Variants in KLF12 observed in about 807,000 individuals in gnomAD.
KLF12 encodes the protein KLF transcription factor 12, also known as Krueppel-like factor 12.
Under a neutral mutation model 37.8 loss-of-function variants are expected in KLF12, and 9 were observed. The observed-to-expected ratio is 0.24, with a 90% CI of 0.14 to 0.42. KLF12 has a LOEUF of 0.42. KLF12 is among the 10% of genes least tolerant of loss of function. KLF12 has a pLI of 1.00. For missense variants in KLF12, 411 were observed against 516.0 expected, an observed-to-expected ratio of 0.80 and a Z score of 1.97; for synonymous variants, 208 against 202.1, an observed-to-expected ratio of 1.03 and a Z score of -0.25.
chr13:73,869,979 C>G (rs766941473), intron 3 of KLF12, among the ~76,000 whole-genome samples: 1 of 152,158 alleles, frequency 6.6e-6, no homozygotes, highest in African/African-American at 2.4e-5. Context: ...CTTGTTTATA[C>G]GATGTACGAT....
intron 3 of KLF12, among the ~76,000 whole-genome samples, chr13:73,938,158 T>C (rs1890031466): frequency 6.6e-6 from 1 of 152,348 alleles, no homozygotes; most frequent in South Asian, 2.1e-4. Context: ...GTAATGCAAG[T>C]GGCATTTTTA....
intron 1 of KLF12, among the ~76,000 whole-genome samples, chr13:74,054,893 T>G (rs1566520934): frequency 6.6e-6 from 1 of 152,188 alleles, no homozygotes; most frequent in Non-Finnish European, 1.5e-5. Context: ...TAGCAAAGAC[T>G]TAATACTAAA....
the KLF12 span, among the ~76,000 whole-genome samples, chr13:74,218,192 C>T: frequency 4.6e-5 from 7 of 152,124 alleles, no homozygotes; most frequent in Non-Finnish European, 1.0e-4. Context: ...GATTAGAATG[C>T]CTTCTTGAGG....
rs1015900520 is a variant in KLF12, at chr13:73,724,821, T to C, written c.870-9296A>G. Among the ~76,000 whole-genome samples, 7 of 152,334 alleles carry C rather than the reference T, an allele frequency of 4.6e-5. No individual in the cohort carries two copies. The South Asian group carries it at 1.5e-3, about 32-fold the overall frequency. On this transcript the variant is annotated intron_variant, in intron 6 of 7. Transcript: ENST00000377669. ...GGGCAGTTAGAGCTAAACAGTGGGT[T>C]TCTTGACCCCTAGAGCTAAGACTTT...
intron 3 of KLF12, among the ~76,000 whole-genome samples, chr13:73,918,338 T>C (rs1478018053): frequency 6.6e-6 from 1 of 152,208 alleles, no homozygotes; most frequent in Non-Finnish European, 1.5e-5. Context: ...TATTTCTACC[T>C]TGAAGTTCCA....
At chr13:74,194,694 G>A in the KLF12 span, among the ~76,000 whole-genome samples, 1 of 152,156 alleles carries the variant, frequency 6.6e-6, no homozygotes, top group Non-Finnish European at 1.5e-5. Context: ...GGGCCAAGAG[G>A]GGGCCTAGAT....
chr13:74,124,804 G>A (rs776362902), intron 1 of KLF12, among the ~76,000 whole-genome samples: 26 of 152,254 alleles, frequency 1.7e-4, no homozygotes, highest in Middle Eastern at 3.4e-3. Flanking sequence ...CACCACAGCT[G>A]CCAAAATATG....
chr13:74,037,372 C>G, intron 1 of KLF12, among the ~76,000 whole-genome samples: 1 of 152,032 alleles, frequency 6.6e-6, no homozygotes, highest in East Asian at 1.9e-4. Flanking sequence ...TCGGAAGGGA[C>G]GGATTCCCTT....
intron 1 of KLF12, among the ~76,000 whole-genome samples, chr13:74,102,895 A>G (rs1876441279): frequency 6.6e-6 from 1 of 152,232 alleles, no homozygotes; most frequent in Non-Finnish European, 1.5e-5. Context: ...GCAAAGAGAC[A>G]GCTTTAGGAC....
At chr13:73,919,133 G>A (rs554818651) in intron 3 of KLF12, among the ~76,000 whole-genome samples, 2 of 152,278 alleles carry the variant, frequency 1.3e-5, no homozygotes, top group South Asian at 4.1e-4. Flanking sequence ...GAGGCCCCCA[G>A]ATACTTAAAG....
At chr13:73,916,963 G>A (rs1266091497) in intron 3 of KLF12, among the ~76,000 whole-genome samples, 4 of 152,114 alleles carry the variant, frequency 2.6e-5, no homozygotes, top group African/African-American at 7.2e-5. Context: ...TGGTGTCAGC[G>A]GTTATTTTGA....
At chr13:74,261,570 T>G in the KLF12 span, among the ~76,000 whole-genome samples, 8 of 152,184 alleles carry the variant, frequency 5.3e-5, no homozygotes, top group Admixed American at 5.2e-4. Flanking sequence ...ACAGGCTACA[T>G]AGGCCATCTT....
intron 2 of KLF12, among the ~76,000 whole-genome samples, chr13:73,966,491 C>T (rs777957222): frequency 2.6e-5 from 4 of 152,152 alleles, no homozygotes; most frequent in African/African-American, 2.4e-5. Context: ...GTGCAGCCAA[C>T]ATTGGTCATG....
At chr13:73,828,986 A>G (rs1236602356) in intron 4 of KLF12, among the ~76,000 whole-genome samples, 3 of 152,042 alleles carry the variant, frequency 2.0e-5, no homozygotes, top group African/African-American at 7.2e-5. Context: ...CTTCTCCTGA[A>G]GTGATAGCCA....
chr13:73,848,586 TTATA>T, intron 3 of KLF12, among the ~76,000 whole-genome samples: 1 of 148,160 alleles, frequency 6.7e-6, no homozygotes, highest in South Asian at 2.1e-4. Flanking sequence ...ATATAGCATA[TTATA>T]TATAATACAT....
At chr13:73,868,333 G>C (rs1021295324) in intron 3 of KLF12, among the ~76,000 whole-genome samples, 2 of 133,426 alleles carry the variant, frequency 1.5e-5, no homozygotes, top group African/African-American at 5.4e-5. Context: ...GCGGTGGGGG[G>C]GGGGGGTGAT....
the KLF12 span, among the ~76,000 whole-genome samples, chr13:74,278,262 T>A: frequency 5.3e-5 from 8 of 152,210 alleles, no homozygotes; most frequent in Non-Finnish European, 8.8e-5. Context: ...TGCCAGTTTA[T>A]CTCTGGTGAG....
chr13:74,087,327 G>T (rs980630650), intron 1 of KLF12, among the ~76,000 whole-genome samples: 2 of 150,912 alleles, frequency 1.3e-5, no homozygotes, highest in Admixed American at 6.6e-5. Flanking sequence ...AGACAGAAGG[G>T]TTTAAAAAAA....
the KLF12 span, among the ~76,000 whole-genome samples, chr13:74,150,631 T>G: frequency 2.6e-5 from 4 of 152,230 alleles, no homozygotes; most frequent in African/African-American, 9.6e-5. Flanking sequence ...ACCTTTCACT[T>G]AAAGGAAACA....
Sources: allele counts gnomAD v4.1 joint callset (sites outside exome capture counted in the v4.1 genomes callset), GRCh38; gene constraint gnomAD v4.1.1; transcripts MANE v1.5; gene names NCBI Gene and HGNC (gene_info 2026-07-23, HGNC 2026-07-21).